Variants in FARP1 observed in about 807,000 individuals in gnomAD.
FARP1 encodes the protein FERM, ARHGEF and pleckstrin domain-containing protein 1.
Under a neutral mutation model 128.8 loss-of-function variants are expected in FARP1, and 52 were observed. The observed-to-expected ratio is 0.40, with a 90% CI of 0.32 to 0.51. The LOEUF (loss-of-function observed/expected upper bound fraction) is 0.51, where lower values mean the gene tolerates loss of function less well. Among genes scored for constraint, FARP1 ranks in the 20% least tolerant of loss-of-function variants. The pLI is 0.45. For missense variants in FARP1, 1,333 were observed against 1,367.9 expected, an observed-to-expected ratio of 0.97 and a Z score of 0.40; for synonymous variants, 580 against 551.8, an observed-to-expected ratio of 1.05 and a Z score of -0.72.
intron 22 of FARP1, 21 bp from the exon 23 acceptor site, chr13:98,440,102 C>G: frequency 6.2e-7 from 1 of 1,610,434 alleles, no homozygotes; most frequent in Non-Finnish European, 8.5e-7. Context: ...GCCTGAACAC[C>G]TGACGCGTCT....
At chr13:98,312,152 T>C (rs1454064856) in intron 2 of FARP1, among the ~76,000 whole-genome samples, 2 of 144,848 alleles carry the variant, frequency 1.4e-5, no homozygotes, top group Non-Finnish European at 3.0e-5. Context: ...TTTTTTTTTT[T>C]TTCTTTGAGA....
At chr13:98,404,265 A>G (rs557123794) in intron 13 of FARP1, 2 of 152,380 alleles carry the variant, frequency 1.3e-5, no homozygotes, top group African/African-American at 4.8e-5. Flanking sequence ...AACTGGGTCT[A>G]AGAAGCACAC....
chr13:98,381,822 T>A (rs1257150429), intron 6 of FARP1: 1 of 152,178 alleles, frequency 6.6e-6, no homozygotes, highest in African/African-American at 2.4e-5. Flanking sequence ...AGTATATGCA[T>A]AAGCTGATGT....
At chr13:98,352,800 A>C (rs1456118682) in intron 3 of FARP1, among the ~76,000 whole-genome samples, 1 of 152,184 alleles carries the variant, frequency 6.6e-6, no homozygotes, top group African/African-American at 2.4e-5. Flanking sequence ...TAGTACTGTG[A>C]GTGTGCAGTC....
At chr13:98,297,356 G>A (rs1319851109) in intron 2 of FARP1, among the ~76,000 whole-genome samples, 2 of 152,242 alleles carry the variant, frequency 1.3e-5, no homozygotes, top group South Asian at 2.1e-4. Flanking sequence ...GTGTGGTTTT[G>A]TGAAGCAATT....
At chr13:98,187,383 G>A (rs1415714657) in intron 1 of FARP1, among the ~76,000 whole-genome samples, 1 of 152,208 alleles carries the variant, frequency 6.6e-6, no homozygotes, top group Non-Finnish European at 1.5e-5. Flanking sequence ...AGTGTCAGAA[G>A]AGAAACACAA....
intron 2 of FARP1, among the ~76,000 whole-genome samples, chr13:98,267,758 G>A (rs1884196680): frequency 6.6e-6 from 1 of 152,178 alleles, no homozygotes; most frequent in Non-Finnish European, 1.5e-5. Context: ...AGGACTGCAG[G>A]ACGTGCTGGG....
chr13:98,213,580 C>T (rs753299365), intron 2 of FARP1, among the ~76,000 whole-genome samples, 167 bp downstream of exon 2: 21 of 152,084 alleles, frequency 1.4e-4, no homozygotes, highest in Non-Finnish European at 2.6e-4. Flanking sequence ...GTTCTGGTTT[C>T]GAGCTCTCCA....
Position 98,431,144 on chromosome 13 carries a change from G to A in FARP1, c.2007G>A (p.Glu669=). Residue 669 remains glutamate (E), a synonymous_variant, in exon 18 of 27, where the codon GAG becomes GAA. Coordinates refer to ENST00000319562, the MANE Select transcript of FARP1 (RefSeq NM_005766.4). ...TGGAGAACTTCTGCAGAGACTTTGA[G>A]CTGCAGAAGGTGTGTTACCTACCGC... ...RRLENFCRDF[E]LQKVCYLPLN... is the part of the protein sequence containing the mutation. 1 of 1,613,992 alleles carries A rather than the reference G, an allele frequency of 6.2e-7. No homozygotes were observed. The highest frequency in any genetic ancestry group is 8.5e-7 in the Non-Finnish European group (1 of 1,179,876).
intron 2 of FARP1, among the ~76,000 whole-genome samples, chr13:98,242,884 A>G (rs998621132): frequency 6.6e-6 from 1 of 152,250 alleles, no homozygotes; most frequent in Non-Finnish European, 1.5e-5. Flanking sequence ...GACAAGGTTC[A>G]ACATCTGTCT....
chr13:98,430,949 G>A, intron 17 of FARP1, 94 bp from the exon 18 acceptor site: 3 of 729,462 alleles, frequency 4.1e-6, no homozygotes, highest in Non-Finnish European at 7.3e-6. Flanking sequence ...AATAGAGAGT[G>A]CAGGAGCGCT....
intron 1 of FARP1, among the ~76,000 whole-genome samples, chr13:98,149,749 T>C (rs1196002741): frequency 7.3e-6 from 1 of 137,636 alleles, no homozygotes; most frequent in Non-Finnish European, 1.6e-5. Flanking sequence ...TTTTTTTTTT[T>C]TTTTTTGAGA....
intron 2 of FARP1, among the ~76,000 whole-genome samples, chr13:98,257,426 G>A (rs374260378): frequency 4.6e-5 from 7 of 151,552 alleles, no homozygotes; most frequent in African/African-American, 1.7e-4. Context: ...CATTCTGTAC[G>A]CCCTTCTTTC....
intron 2 of FARP1, among the ~76,000 whole-genome samples, chr13:98,286,397 T>G (rs1885168629): frequency 6.6e-6 from 1 of 152,220 alleles, no homozygotes; most frequent in Non-Finnish European, 1.5e-5. Flanking sequence ...CCACGTGTTG[T>G]GCAAGGGACC....
intron 1 of FARP1, among the ~76,000 whole-genome samples, chr13:98,170,420 G>A (rs762442729): frequency 2.0e-5 from 3 of 152,120 alleles, no homozygotes; most frequent in South Asian, 2.1e-4. Flanking sequence ...GCAATGGCGC[G>A]ATCTCGGCTC....
intron 2 of FARP1, among the ~76,000 whole-genome samples, chr13:98,327,534 G>T (rs952842002): frequency 1.3e-5 from 2 of 152,186 alleles, no homozygotes; most frequent in African/African-American, 4.8e-5. Context: ...TAAATCTCAG[G>T]CTTCCTTCTC....
At chr13:98,308,024 A>ACC (rs1886250805) in intron 2 of FARP1, among the ~76,000 whole-genome samples, 1 of 20,744 alleles carries the variant, frequency 4.8e-5, no homozygotes, top group African/African-American at 1.4e-4. Context: ...GCCCGCCCCC[A>ACC]CTCTCTCTCT....
chr13:98,376,636 A>G (rs936513516), intron 5 of FARP1, among the ~76,000 whole-genome samples: 1 of 151,970 alleles, frequency 6.6e-6, no homozygotes, highest in Admixed American at 6.5e-5. Flanking sequence ...GTACACACCT[A>G]GTACTGGGAT....
intron 2 of FARP1, among the ~76,000 whole-genome samples, chr13:98,288,809 A>G (rs542160600): frequency 7.9e-5 from 12 of 152,194 alleles, no homozygotes; most frequent in Non-Finnish European, 1.6e-4. Flanking sequence ...TTTGGGCGAG[A>G]TGCTGGCCTA....
Sources: allele counts gnomAD v4.1 joint callset (sites outside exome capture counted in the v4.1 genomes callset), GRCh38; gene constraint gnomAD v4.1.1; transcripts MANE v1.5; gene names NCBI Gene and HGNC (gene_info 2026-07-23, HGNC 2026-07-21).